Variants in TPO observed in about 807,000 individuals in gnomAD.
TPO encodes thyroid peroxidase.
A neutral mutation model predicts 96.9 loss-of-function variants in TPO; 78 were observed. That is an observed-to-expected ratio of 0.81 (90% confidence interval 0.67 to 0.97). The LOEUF (loss-of-function observed/expected upper bound fraction) is 0.97, where lower values mean the gene tolerates loss of function less well. Ranked by LOEUF, TPO falls within the 50% of genes least tolerant of loss-of-function variation. The pLI is 0.00. For missense variants in TPO, 1,252 were observed against 1,274.8 expected (o/e 0.98, Z 0.27); for synonymous variants, 547 against 538.0 (o/e 1.02, Z -0.23).
At chr2:1,405,984 A>G (rs1212342226) in intron 1 of TPO, among the ~76,000 whole-genome samples, 2 of 152,350 alleles carry the variant, frequency 1.3e-5, no homozygotes, top group East Asian at 3.9e-4. Flanking sequence ...GCATCCTTTC[A>G]AACTGTAATT....
chr2:1,478,673 G>A (rs1325991540), intron 8 of TPO, among the ~76,000 whole-genome samples: 3 of 152,046 alleles, frequency 2.0e-5, no homozygotes, highest in African/African-American at 7.3e-5. Context: ...ACACTTCTCC[G>A]GCAAGCACGG....
intron 15 of TPO, among the ~76,000 whole-genome samples, chr2:1,532,523 A>G (rs1678539836): frequency 1.1e-5 from 1 of 94,642 alleles, no homozygotes; most frequent in Non-Finnish European, 2.1e-5. Flanking sequence ...ACTCTGAGCA[A>G]CCTCCTCAAA....
intron 5 of TPO, among the ~76,000 whole-genome samples, chr2:1,449,481 C>T (rs1667132939): frequency 6.6e-6 from 1 of 152,166 alleles, no homozygotes. Context: ...AGCTCCTTGA[C>T]ACAATCGTCT....
intron 15 of TPO, among the ~76,000 whole-genome samples, chr2:1,519,125 C>T (rs989954531): frequency 2.0e-5 from 3 of 152,196 alleles, no homozygotes; most frequent in Non-Finnish European, 2.9e-5. Flanking sequence ...CCGGGGGAGC[C>T]GCCTGCAGGC....
At chr2:1,374,548 GTTTAA>G (rs1262442188) in intron 1 of TPO, 1 of 152,110 alleles carries the variant, frequency 6.6e-6, no homozygotes, top group Non-Finnish European at 1.5e-5. Context: ...TGGTCACTGT[GTTTAA>G]TTTCTTCTTT....
intron 1 of TPO, among the ~76,000 whole-genome samples, chr2:1,389,883 G>C (rs1030719999): frequency 6.6e-6 from 1 of 152,118 alleles, no homozygotes; most frequent in East Asian, 1.9e-4. Flanking sequence ...AGGACACTTA[G>C]ATCAAATTGC....
intron 15 of TPO, among the ~76,000 whole-genome samples, chr2:1,525,308 C>T (rs1370565183): frequency 9.5e-6 from 1 of 105,390 alleles, no homozygotes; most frequent in Non-Finnish European, 2.1e-5. Flanking sequence ...TCAAATCCCC[C>T]CCACTGTGTG....
chr2:1,390,024 T>C (rs942653704), intron 1 of TPO, among the ~76,000 whole-genome samples: 3 of 151,966 alleles, frequency 2.0e-5, no homozygotes, highest in East Asian at 1.9e-4. Flanking sequence ...CTTTTCTTTT[T>C]TTTTTTTTTT....
intron 5 of TPO, among the ~76,000 whole-genome samples, chr2:1,445,234 T>C (rs375988434): frequency 1.5e-5 from 2 of 137,012 alleles, no homozygotes; most frequent in African/African-American, 2.8e-5. Context: ...TGGAAGGGAA[T>C]GGGCAGGCTC....
At chr2:1,481,641 G>A (rs1003184530) in intron 8 of TPO, among the ~76,000 whole-genome samples, 3 of 152,192 alleles carry the variant, frequency 2.0e-5, no homozygotes, top group Non-Finnish European at 4.4e-5. Context: ...GACCTTTGCT[G>A]TAGCTGAGTA....
intron 1 of TPO, among the ~76,000 whole-genome samples, chr2:1,387,663 C>T (rs1159192248): frequency 2.0e-5 from 3 of 152,194 alleles, no homozygotes; most frequent in Non-Finnish European, 4.4e-5. Flanking sequence ...CGAACTTCCT[C>T]CTTTAGCTTG....
chr2:1,462,367 G>A (rs1364764189), intron 7 of TPO, among the ~76,000 whole-genome samples: 4 of 152,206 alleles, frequency 2.6e-5, no homozygotes, highest in African/African-American at 2.4e-5. Flanking sequence ...CTCAGGGGAC[G>A]ACTTGAAAAT....
intron 14 of TPO, chr2:1,512,341 TC>T (rs1195477436): frequency 1.0e-6 from 1 of 965,770 alleles, no homozygotes; most frequent in Non-Finnish European, 1.2e-6. Context: ...CAGTGCTACC[TC>T]TTTGCTAAGG....
Position 1,441,716 on chromosome 2 carries a change from G to C in TPO, c.482+5332G>C, listed in dbSNP as rs538759261. Among the ~76,000 whole-genome samples, 5 of 152,270 alleles carry C rather than the reference G, an allele frequency of 3.3e-5. No homozygotes were observed. The South Asian group carries it at 8.3e-4, about 25-fold the overall frequency. On this transcript the variant is annotated intron_variant, in intron 5 of 16. Coordinates refer to ENST00000329066, the MANE Select transcript of TPO (RefSeq NM_001206744.2). The stretch of plus-strand genomic sequence containing the variant: ...GGAGGTGGGTGTGGGCAGGGGTCAC[G>C]TCACTTGCAGGTTGCCTTTGCTAGA...
chr2:1,446,039 G>T (rs1666775912), intron 5 of TPO, among the ~76,000 whole-genome samples: 1 of 152,144 alleles, frequency 6.6e-6, no homozygotes, highest in Non-Finnish European at 1.5e-5. Context: ...ATTAAATTGG[G>T]GTACGACTTA....
intron 1 of TPO, among the ~76,000 whole-genome samples, chr2:1,399,061 AG>A (rs1333765121): frequency 6.6e-6 from 1 of 152,204 alleles, no homozygotes. Flanking sequence ...CTTGGAGACC[AG>A]CCCCACCTTC....
chr2:1,376,226 G>A (rs1255022021), intron 1 of TPO, among the ~76,000 whole-genome samples: 1 of 152,188 alleles, frequency 6.6e-6, no homozygotes, highest in Non-Finnish European at 1.5e-5. Flanking sequence ...CCATGCAAAT[G>A]TCTCGCTCTG....
At chr2:1,526,983 A>ACACTGTGAGCAACCTCCTCAAATCCCCC in intron 15 of TPO, among the ~76,000 whole-genome samples, 1 of 70,628 alleles carries the variant, frequency 1.4e-5, no homozygotes, top group African/African-American at 6.3e-5. Context: ...TCAAATCCCC[A>ACACTGTGAGCAACCTCCTCAAATCCCCC]CACTGTGTGC....
At chr2:1,442,095 C>A (rs1030582971) in intron 5 of TPO, among the ~76,000 whole-genome samples, 12 of 152,210 alleles carry the variant, frequency 7.9e-5, no homozygotes, top group African/African-American at 2.7e-4. Flanking sequence ...TAAGACATGA[C>A]CTGCTCCTCC....
Sources: gnomAD v4.1 joint callset for allele counts (sites outside exome capture counted in the v4.1 genomes callset) on GRCh38, gnomAD v4.1.1 for gene constraint, MANE v1.5 for transcripts, NCBI Gene and HGNC (gene_info 2026-07-23, HGNC 2026-07-21) for gene names.